The following CRYM variants were observed in gnomAD, a reference collection of about 807,000 sequenced individuals.
CRYM encodes the protein crystallin mu.
In CRYM, 18 loss-of-function variants were observed where a neutral mutation model predicts 32.9. That is an observed-to-expected ratio of 0.55 (90% CI 0.38 to 0.81). The LOEUF (loss-of-function observed/expected upper bound fraction) is 0.81. Among genes scored for constraint, CRYM ranks in the 30% least tolerant of loss-of-function variants. CRYM has a pLI of 0.00. For synonymous variants in CRYM, 153 were observed against 152.4 expected, an observed-to-expected ratio of 1.00 and a Z score of -0.03; for missense variants, 337 against 393.5, an observed-to-expected ratio of 0.86 and a Z score of 1.21.
At chr16:21,271,710 T>C (rs2093375709) in intron 3 of CRYM, among the ~76,000 whole-genome samples, 1 of 152,234 alleles carries the variant, frequency 6.6e-6, no homozygotes, top group South Asian at 2.1e-4. Flanking sequence ...TTAATATGAA[T>C]CTATTCTTGA....
intron 1 of CRYM, among the ~76,000 whole-genome samples, chr16:21,290,213 G>A (rs899819299): frequency 2.6e-5 from 4 of 152,162 alleles, no homozygotes; most frequent in East Asian, 1.9e-4. Context: ...AAGTCTTGCT[G>A]CTGCTCACTG....
In CRYM at chr16:21,267,709, T is replaced by C; in HGVS notation, c.518A>G (p.Asn173Ser). 3 of 1,614,212 alleles carry C rather than the reference T, an allele frequency of 1.9e-6. No homozygotes were observed. The highest frequency in any genetic ancestry group is 2.5e-6 in the Non-Finnish European group (3 of 1,180,028). The change falls in exon 5 of 8, where the codon AAT (asparagine) becomes AGT (serine). Residue 173 changes from asparagine (N) to serine (S), a missense_variant. Physicochemically the swap from Asn to Ser is conservative, Grantham distance 46. Coordinates refer to ENST00000572914, the MANE Select transcript of CRYM (RefSeq NM_001376256.1). ...CACTGTGTCTGCAAACTTCTCTGCA[T>C]TTTCTTTGGTGCGGTTCCATATCCT... ...EVRIWNRTKENAEKFADTVQG... is the reference protein window; with the variant it reads ...EVRIWNRTKESAEKFADTVQG...
intron 6 of CRYM, 131 bp from the exon 7 acceptor site, chr16:21,261,469 G>C (rs2093354393): frequency 4.3e-6 from 3 of 703,500 alleles, no homozygotes; most frequent in East Asian, 5.4e-5. Flanking sequence ...AAAAAAGAGA[G>C]AGATCCTTTG....
intron 1 of CRYM, chr16:21,300,592 A>G (rs1177416564): frequency 1.3e-5 from 2 of 151,978 alleles, no homozygotes; most frequent in Admixed American, 6.6e-5. Context: ...CTACTCATCA[A>G]GCTGGACTGG....
chr16:21,301,507 G>C (rs564121174), intron 1 of CRYM, among the ~76,000 whole-genome samples: 1 of 152,298 alleles, frequency 6.6e-6, no homozygotes, highest in South Asian at 2.1e-4. Flanking sequence ...GAGGAAGCAG[G>C]GAAGAAGTAA....
Position 21,278,118 on chromosome 16 carries a change from G to T in CRYM, c.134C>A (p.Pro45His). 1 of 1,548,882 alleles carries T rather than the reference G, an allele frequency of 6.5e-7. No homozygotes were observed. Reference sequence around the variant, plus strand: ...GGTCACCGGCACCACGGTGCGCACGGGCTGCATGACCCCTCCTTCGGGACC... The same window carrying T: ...GGTCACCGGCACCACGGTGCGCACGTGCTGCATGACCCCTCCTTCGGGACC... ...SSGPEGGVMQ[P>H]VRTVVPVTKH... The change falls in exon 1 of 8, where the codon CCC (proline) becomes CAC (histidine). Residue 45 changes from proline (P) to histidine (H), a missense_variant. By Grantham distance (77) the Pro-to-His change is moderately conservative. Transcript: ENST00000572914.
intron 1 of CRYM, among the ~76,000 whole-genome samples, chr16:21,289,534 A>G (rs1597627552): frequency 1.3e-5 from 2 of 152,298 alleles, no homozygotes; most frequent in East Asian, 1.9e-4. Context: ...GCCAATCTCT[A>G]TCCTTTAATT....
At chr16:21,261,151 A>G (rs547506941) in intron 7 of CRYM, 103 bp downstream of exon 7, 68 of 876,296 alleles carry the variant, frequency 7.8e-5, no homozygotes, top group African/African-American at 7.6e-4. Context: ...ATGGAGCACA[A>G]TGATTCAGCT....
intron 1 of CRYM, among the ~76,000 whole-genome samples, chr16:21,288,863 T>A (rs1261337202): frequency 6.6e-6 from 1 of 152,164 alleles, no homozygotes; most frequent in African/African-American, 2.4e-5. Context: ...TTGCTTAAGT[T>A]TGTATTGTCT....
In CRYM at chr16:21,292,434, T is replaced by A. The variant is rs148416125; in HGVS notation, c.-193+10544A>T. ...AAAAATTAAAGATGACTTGAGATAA[T>A]GGAGAAATATACCTTATTCATGGAT... On this transcript the variant is annotated intron_variant, in intron 1 of 9. Transcript: ENST00000219599. Among the ~76,000 whole-genome samples the A allele has an allele frequency of 5.8e-4, 89 of 152,220 alleles. 2 individuals carry two copies. Among genetic ancestry groups the A allele is most frequent in the African/African-American group, 2.1e-3 (88 of 41,552 alleles).
chr16:21,289,655 C>G (rs1194909045), intron 1 of CRYM, among the ~76,000 whole-genome samples: 1 of 152,070 alleles, frequency 6.6e-6, no homozygotes, highest in Non-Finnish European at 1.5e-5. Context: ...CAAACTTACC[C>G]TCTACCTCCT....
intron 5 of CRYM, among the ~76,000 whole-genome samples, chr16:21,265,624 C>A (rs1279151907): frequency 6.6e-6 from 1 of 152,194 alleles, no homozygotes; most frequent in Non-Finnish European, 1.5e-5. Flanking sequence ...GCATCCCTGG[C>A]ATCTAGAATA....
At chr16:21,261,447 T>TAAAAAA in intron 6 of CRYM, 109 bp from the exon 7 acceptor site, 1 of 595,738 alleles carries the variant, frequency 1.7e-6, no homozygotes, top group African/African-American at 2.1e-5. Flanking sequence ...TAAATTTGAT[T>TAAAAAA]AAAAAAAAAA....
chr16:21,259,718 T>C (rs549792568), intron 7 of CRYM, among the ~76,000 whole-genome samples: 1 of 152,348 alleles, frequency 6.6e-6, no homozygotes, highest in South Asian at 2.1e-4. Context: ...TGTAGTTTTC[T>C]GACGCTTGGT....
chr16:21,286,294 T>C (rs1303649019), intron 1 of CRYM, among the ~76,000 whole-genome samples: 1 of 151,780 alleles, frequency 6.6e-6, no homozygotes, highest in Non-Finnish European at 1.5e-5. Context: ...CTCAGCTCAC[T>C]GGAACCTCCA....
chr16:21,283,934 C>T (rs1268940153), intron 1 of CRYM: 1 of 152,940 alleles, frequency 6.5e-6, no homozygotes, highest in African/African-American at 2.4e-5. Flanking sequence ...ACGCGCACCC[C>T]GCAGCGGCGG....
chr16:21,260,298 C>G (rs1359833215), intron 7 of CRYM, among the ~76,000 whole-genome samples: 2 of 148,848 alleles, frequency 1.3e-5, no homozygotes, highest in Non-Finnish European at 3.0e-5. Context: ...AGCTCTGTTC[C>G]CATGTACTTT....
chr16:21,290,448 T>G (rs545174182), intron 1 of CRYM, among the ~76,000 whole-genome samples: 1 of 152,182 alleles, frequency 6.6e-6, no homozygotes, highest in Admixed American at 6.5e-5. Context: ...TCTGAACATC[T>G]GAAGGAACAA....
intron 1 of CRYM, among the ~76,000 whole-genome samples, chr16:21,287,179 T>A (rs1206568837): frequency 6.6e-6 from 1 of 152,206 alleles, no homozygotes; most frequent in Non-Finnish European, 1.5e-5. Flanking sequence ...AAACACTTCA[T>A]CAAAATAGAA....
Sources: gnomAD v4.1 joint callset for allele counts (sites outside exome capture counted in the v4.1 genomes callset) on GRCh38, gnomAD v4.1.1 for gene constraint, MANE v1.5 for transcripts, NCBI Gene and HGNC (gene_info 2026-07-23, HGNC 2026-07-21) for gene names.